The following NAV3 variants were observed in gnomAD, a reference collection of about 807,000 sequenced individuals.
NAV3 encodes the protein pore membrane and/or filament interacting like protein 1.
A neutral mutation model predicts 244.7 loss-of-function variants in NAV3; 87 were observed. The observed-to-expected ratio is 0.36, with a 90% CI of 0.30 to 0.42. The LOEUF (loss-of-function observed/expected upper bound fraction) is 0.42, where lower values mean the gene tolerates loss of function less well. Among genes scored for constraint, NAV3 ranks in the 20% least tolerant of loss-of-function variants. The pLI is 1.00. For synonymous variants in NAV3, 1,126 were observed against 1,042.2 expected, an observed-to-expected ratio of 1.08 and a Z score of -1.55; for missense variants, 2,663 against 2,893.3, an observed-to-expected ratio of 0.92 and a Z score of 1.83.
At chr12:77,940,510 A>C (rs571448361) in intron 2 of NAV3, 74 bp downstream of exon 2, 1 of 1,147,156 alleles carries the variant, frequency 8.7e-7, no homozygotes, top group Non-Finnish European at 1.3e-6. Flanking sequence ...ACTTAAGTTA[A>C]GCGCCTTACT....
chr12:77,828,541 T>A, upstream of NAV3, among the ~76,000 whole-genome samples: 1 of 152,280 alleles, frequency 6.6e-6, no homozygotes, highest in East Asian at 1.9e-4. Flanking sequence ...AAGGTATCAG[T>A]GACCGTAAGC....
At chr12:77,959,174 A>C (rs1891641528) in intron 3 of NAV3, among the ~76,000 whole-genome samples, 1 of 152,188 alleles carries the variant, frequency 6.6e-6, no homozygotes, top group Admixed American at 6.6e-5. Flanking sequence ...GTTTTGCTAC[A>C]AATTGGAATC....
At chr12:77,815,830 T>G (rs1210387374) in intron 2 of NAV3, among the ~76,000 whole-genome samples, 1 of 152,150 alleles carries the variant, frequency 6.6e-6, no homozygotes, top group Non-Finnish European at 1.5e-5. Flanking sequence ...TTAGCAACTT[T>G]TAGATATACC....
At chr12:78,031,402 C>A (rs548292117) in intron 9 of NAV3, among the ~76,000 whole-genome samples, 1 of 152,126 alleles carries the variant, frequency 6.6e-6, no homozygotes, top group South Asian at 2.1e-4. Context: ...CCAATGAGAA[C>A]AATCTATTCA....
At chr12:77,764,556 A>G (rs1463443321) in intron 2 of NAV3, among the ~76,000 whole-genome samples, 1 of 152,250 alleles carries the variant, frequency 6.6e-6, no homozygotes, top group African/African-American at 2.4e-5. Flanking sequence ...ACTACATTTA[A>G]ATTGATATAT....
Position 78,210,398 on chromosome 12 carries a change from A to C in NAV3, c.7039A>C (p.Met2347Leu). 1 of 1,613,376 alleles carries C rather than the reference A, an allele frequency of 6.2e-7. No homozygotes were observed. Among genetic ancestry groups the C allele is most frequent in the Non-Finnish European group, 8.5e-7 (1 of 1,179,768 alleles). ...ATCGATGTCTTTTTTCTTTCTTCAG[A>C]TGAATATGCTAATGAAACTCCAAGA... ...PQTDTEGDPL[M>L]NMLMKLQEAA... Residue 2347 changes from methionine to leucine, a missense_variant and splice_region_variant, in exon 40 of 40, where the codon ATG becomes CTG. By Grantham distance (15) the Met-to-Leu change is conservative (BLOSUM62 2). Transcript: ENST00000397909.
chr12:78,013,669 T>A (rs947964307), intron 8 of NAV3, among the ~76,000 whole-genome samples: 3 of 152,106 alleles, frequency 2.0e-5, no homozygotes, highest in Admixed American at 6.6e-5. Flanking sequence ...CACATGAGCA[T>A]GTGTGTGGAA....
rs561084583 is a variant in NAV3 at position 77,749,001 on chromosome 12, G to T, written c.72+176735G>T. 8.3e-4 allele frequency among the ~76,000 whole-genome samples: 126 copies of T among 152,202 alleles called. No homozygotes were observed. In the Middle Eastern group the frequency reaches 0.017, roughly 21 times the overall value. ...ATGTTAAATGTATACAATTTTATTT[G>T]TCAATTATACTTCTGCAAAGCGGGA... On this transcript the variant is annotated intron_variant, in intron 2 of 8. Transcript: ENST00000550042.
At chr12:77,971,596 T>C (rs1242416192) in intron 5 of NAV3, among the ~76,000 whole-genome samples, 1 of 152,112 alleles carries the variant, frequency 6.6e-6, no homozygotes, top group African/African-American at 2.4e-5. Flanking sequence ...AGGAACATAA[T>C]GTAGTATCTA....
chr12:78,045,866 A>AT (rs1406463333), intron 9 of NAV3, among the ~76,000 whole-genome samples: 2 of 151,908 alleles, frequency 1.3e-5, no homozygotes, highest in Non-Finnish European at 1.5e-5. Context: ...GGTCCTGGGC[A>AT]TTTTTTTGGT....
At chr12:77,839,678 C>G (rs1397039964) in intron 1 of NAV3, among the ~76,000 whole-genome samples, 1 of 152,150 alleles carries the variant, frequency 6.6e-6, no homozygotes, top group Non-Finnish European at 1.5e-5. Flanking sequence ...ATAAAAGTAT[C>G]TGATACTTTC....
At chr12:77,698,591 G>C (rs1193985621) in intron 2 of NAV3, among the ~76,000 whole-genome samples, 1 of 152,158 alleles carries the variant, frequency 6.6e-6, no homozygotes, top group Non-Finnish European at 1.5e-5. Context: ...TGTAGATTAA[G>C]TAGATTCAAA....
chr12:78,071,548 C>G (rs532161827), intron 12 of NAV3, among the ~76,000 whole-genome samples: 197 of 152,182 alleles, frequency 1.3e-3, no homozygotes, highest in African/African-American at 4.6e-3. Flanking sequence ...TGCAGAAGCT[C>G]TTTAGTTTAA....
intron 2 of NAV3, among the ~76,000 whole-genome samples, chr12:77,657,229 AAGAG>A (rs1873158923): frequency 6.6e-6 from 1 of 152,214 alleles, no homozygotes; most frequent in Non-Finnish European, 1.5e-5. Flanking sequence ...TAAAGAAAAA[AAGAG>A]AGAAGAATCA....
chr12:78,007,459 T>A lies in NAV3; in HGVS notation c.1907+14T>A. ...ATTCATTTACAGGTAAGGTGGCCTC[T>A]GTTTATCCACAGTTGTAAATATATT... is the stretch of plus-strand genomic sequence containing the variant. On this transcript the variant is annotated intron_variant, in intron 8 of 39. Transcript: ENST00000397909. 1 of 1,607,646 alleles carries A rather than the reference T, an allele frequency of 6.2e-7. No homozygotes were observed. Among genetic ancestry groups the A allele is most frequent in the Non-Finnish European group, 8.5e-7 (1 of 1,176,820 alleles).
At chr12:77,604,140 G>T (rs937270817) in intron 2 of NAV3, among the ~76,000 whole-genome samples, 1 of 152,062 alleles carries the variant, frequency 6.6e-6, no homozygotes, top group African/African-American at 2.4e-5. Context: ...TAAATATGAT[G>T]AGGGCAGAGC....
At chr12:77,947,959 A>C (rs914899935) in intron 3 of NAV3, among the ~76,000 whole-genome samples, 3 of 152,032 alleles carry the variant, frequency 2.0e-5, no homozygotes, top group African/African-American at 7.2e-5. Flanking sequence ...TTTTGTATGT[A>C]TGACCCAGGA....
intron 1 of NAV3, among the ~76,000 whole-genome samples, chr12:77,913,179 C>A (rs1322595131): frequency 1.3e-5 from 2 of 151,986 alleles, no homozygotes; most frequent in African/African-American, 4.8e-5. Context: ...TACTCCATAT[C>A]TCATGTACAC....
chr12:77,726,275 T>A (rs1037447435), intron 2 of NAV3, among the ~76,000 whole-genome samples: 23 of 151,980 alleles, frequency 1.5e-4, no homozygotes, highest in African/African-American at 4.8e-4. Context: ...TTTCAGTGAA[T>A]ATCTTTTTCA....
Sources: allele counts gnomAD v4.1 joint callset (sites outside exome capture counted in the v4.1 genomes callset), GRCh38; gene constraint gnomAD v4.1.1; transcripts MANE v1.5; gene names NCBI Gene and HGNC (gene_info 2026-07-23, HGNC 2026-07-21).